Variants in ATP13A4 observed in about 807,000 individuals in gnomAD.
ATP13A4 encodes the protein probable cation-transporting ATPase 13A4.
A neutral mutation model predicts 142.5 loss-of-function variants in ATP13A4; 114 were observed. The observed-to-expected ratio is 0.80, with a 90% CI of 0.69 to 0.93. The LOEUF is 0.93. Ranked by LOEUF, ATP13A4 falls within the 40% of genes least tolerant of loss-of-function variation. The pLI is 0.00. For synonymous variants in ATP13A4, 488 were observed against 514.8 expected (o/e 0.95, Z 0.70); for missense variants, 1,392 against 1,454.0 (o/e 0.96, Z 0.69).
intron 25 of ATP13A4, among the ~76,000 whole-genome samples, chr3:193,417,442 A>G (rs1181607610): frequency 6.6e-6 from 1 of 152,242 alleles, no homozygotes; most frequent in Non-Finnish European, 1.5e-5. Context: ...AGGGGAGATA[A>G]CGCTGCAAAG....
chr3:193,428,050 G>A (rs1355513498), intron 25 of ATP13A4, among the ~76,000 whole-genome samples: 1 of 152,010 alleles, frequency 6.6e-6, no homozygotes, highest in Non-Finnish European at 1.5e-5. Context: ...ATCTGACAAA[G>A]GGCTAATATC....
At chr3:193,533,601 T>C (rs1472765140) in intron 1 of ATP13A4, among the ~76,000 whole-genome samples, 3 of 152,044 alleles carry the variant, frequency 2.0e-5, no homozygotes, top group Non-Finnish European at 4.4e-5. Context: ...AAAGAAAGCC[T>C]ACTCTCTCTA....
chr3:193,443,073 C>G (rs1716747467), intron 18 of ATP13A4, among the ~76,000 whole-genome samples: 1 of 152,170 alleles, frequency 6.6e-6, no homozygotes, highest in South Asian at 2.1e-4. Flanking sequence ...AGTTTCTCAG[C>G]ACTTTTTCTC....
chr3:193,430,089 A>G (rs1230437436), intron 25 of ATP13A4, among the ~76,000 whole-genome samples: 1 of 152,136 alleles, frequency 6.6e-6, no homozygotes, highest in Admixed American at 6.6e-5. Context: ...GAAGAGAACA[A>G]TCACAGAATA....
rs1182325288 is a variant in ATP13A4 at position 193,414,642 on chromosome 3, G to A, written c.2951C>T (p.Ala984Val). Residue 984 changes from alanine to valine, a missense_variant, in exon 26 of 30, where the codon GCC (alanine) becomes GTC (valine). By Grantham distance (64) the Ala-to-Val change is moderately conservative. Coordinates refer to ENST00000342695, the MANE Select transcript of ATP13A4 (RefSeq NM_032279.4). ...SVIFNILLSL[A>V]MHIAGFILVQ... ...CAGGATGAAGCCTGCAATATGCATG[G>A]CCAGGCTGAGAAGAATGTTGAAAAT... 5 of 1,614,092 alleles carry A rather than the reference G, an allele frequency of 3.1e-6. No individual in the cohort carries two copies. The highest frequency in any genetic ancestry group is 2.2e-5 in the East Asian group (1 of 44,882).
At chr3:193,546,013 G>A (rs886902064) in intron 1 of ATP13A4, among the ~76,000 whole-genome samples, 2 of 107,348 alleles carry the variant, frequency 1.9e-5, no homozygotes, top group Admixed American at 9.5e-5. Flanking sequence ...GTGTGTGTGT[G>A]TGTGTGTGTG....
intron 3 of ATP13A4, among the ~76,000 whole-genome samples, chr3:193,497,910 G>T (rs1329088953): frequency 1.3e-5 from 2 of 152,094 alleles, no homozygotes; most frequent in African/African-American, 4.8e-5. Flanking sequence ...ATCCGAGGTT[G>T]GGGGGAATAG....
At chr3:193,548,901 T>TG (rs1387049779) in intron 1 of ATP13A4, among the ~76,000 whole-genome samples, 2 of 152,244 alleles carry the variant, frequency 1.3e-5, no homozygotes, top group Non-Finnish European at 1.5e-5. Flanking sequence ...TACCCACTAC[T>TG]GGTTGGTATA....
chr3:193,523,328 C>A (rs918420016), intron 1 of ATP13A4, among the ~76,000 whole-genome samples: 2 of 151,964 alleles, frequency 1.3e-5, no homozygotes, highest in African/African-American at 4.8e-5. Flanking sequence ...TCAAAATGAG[C>A]CCCTTTCAAC....
chr3:193,589,957 G>GC (rs1222290944), intron 1 of ATP13A4, among the ~76,000 whole-genome samples: 2 of 99,868 alleles, frequency 2.0e-5, no homozygotes, highest in African/African-American at 7.6e-5. Flanking sequence ...GTGTTCTTTT[G>GC]CCAAAAAAAA....
intron 19 of ATP13A4, among the ~76,000 whole-genome samples, chr3:193,441,817 T>C (rs911794686): frequency 6.6e-6 from 1 of 152,196 alleles, no homozygotes; most frequent in Admixed American, 6.5e-5. Flanking sequence ...CGTGATTTGA[T>C]CTTGGTGAGT....
At chr3:193,529,327 G>A (rs1185797616) in intron 1 of ATP13A4, among the ~76,000 whole-genome samples, 1 of 151,458 alleles carries the variant, frequency 6.6e-6, no homozygotes, top group African/African-American at 2.4e-5. Context: ...TGGTTAATTA[G>A]TGTGTTCAAC....
intron 2 of ATP13A4, among the ~76,000 whole-genome samples, chr3:193,564,406 C>T (rs1460959627): frequency 6.6e-6 from 1 of 152,182 alleles, no homozygotes; most frequent in Non-Finnish European, 1.5e-5. Flanking sequence ...TCTCAAGGAA[C>T]AGGAGATTTA....
chr3:193,445,970 A>G (rs1192527450), intron 18 of ATP13A4, among the ~76,000 whole-genome samples: 8 of 68 alleles, frequency 0.12, no homozygotes, highest in Admixed American at 0.25. Flanking sequence ...ACTGGGTGCA[A>G]AAAAAAAAAA....
At chr3:193,565,709 G>T (rs756451919) in intron 2 of ATP13A4, among the ~76,000 whole-genome samples, 4 of 152,178 alleles carry the variant, frequency 2.6e-5, no homozygotes, top group Non-Finnish European at 5.9e-5. Context: ...CCCCTGCAGA[G>T]AGCTCCTTCC....
At chr3:193,560,507 T>C (rs1181823549) in intron 2 of ATP13A4, among the ~76,000 whole-genome samples, 2 of 152,252 alleles carry the variant, frequency 1.3e-5, no homozygotes, top group Non-Finnish European at 2.9e-5. Context: ...CATGCCCGGC[T>C]GCTACTCACT....
intron 20 of ATP13A4, 116 bp from the exon 21 acceptor site, chr3:193,440,753 A>G (rs1445013875): frequency 4.5e-6 from 5 of 1,113,920 alleles, no homozygotes; most frequent in Non-Finnish European, 6.6e-6. Context: ...GAAAAAAAAA[A>G]GTTTCCAATG....
In ATP13A4 at chr3:193,590,589, C is replaced by T. The variant is rs533665758; in HGVS notation, n.91+2432G>A. Among the ~76,000 whole-genome samples the T allele has an allele frequency of 5.3e-5, 8 of 152,202 alleles. No homozygotes were observed. In the South Asian group the frequency reaches 6.2e-4, roughly 12 times the overall value. On this transcript the variant is annotated intron_variant and non_coding_transcript_variant, in intron 1 of 3. Coordinates refer to the ATP13A4 transcript ENST00000489140. ...AAGGTGGTTTTTGGTTCCTGAGCAA[C>T]GAGGGAGTTAGCTTTAGGAAGGGAC...
At chr3:193,498,136 A>C (rs1339477931) in intron 3 of ATP13A4, among the ~76,000 whole-genome samples, 4 of 152,152 alleles carry the variant, frequency 2.6e-5, no homozygotes, top group Non-Finnish European at 4.4e-5. Flanking sequence ...TACGAATTTG[A>C]TTTATACATA....
Sources: gnomAD v4.1 joint callset for allele counts (sites outside exome capture counted in the v4.1 genomes callset) on GRCh38, gnomAD v4.1.1 for gene constraint, MANE v1.5 for transcripts, NCBI Gene and HGNC (gene_info 2026-07-23, HGNC 2026-07-21) for gene names.